ALPP: variants seen among roughly 807,000 people sequenced by gnomAD.
The protein encoded by ALPP is alkaline phosphatase, placental, also known as alkaline phosphatase, placental type.
Under a neutral mutation model 50.7 loss-of-function variants are expected in ALPP, and 39 were observed. The ratio of observed to expected loss-of-function variants is 0.77; its 90% confidence interval spans 0.60 to 1.00. The LOEUF is 1.00. Among genes scored for constraint, ALPP ranks in the 50% least tolerant of loss-of-function variants. The pLI is 0.00. For synonymous variants in ALPP, 226 were observed against 320.3 expected, an observed-to-expected ratio of 0.71 and a Z score of 3.14; for missense variants, 550 against 746.8, an observed-to-expected ratio of 0.74 and a Z score of 3.07.
At position 232,380,438 on chromosome 2, in the gene ALPP, A is replaced by G; in HGVS notation, c.811A>G (p.Asn271Asp). 6.2e-7 allele frequency: 1 copy of G among 1,613,714 alleles called. No individual in the cohort carries two copies. Among genetic ancestry groups the G allele is most frequent in the Non-Finnish European group, 8.5e-7 (1 of 1,179,934 alleles). Reference sequence around the variant, plus strand: ...CCCACAGGGTGCCCGGTATGTGTGGAACCGCACTGAGCTCATGCAGGCTTC... The same window carrying G: ...CCCACAGGGTGCCCGGTATGTGTGGGACCGCACTGAGCTCATGCAGGCTTC... ...AKRQGARYVWNRTELMQASLD... is the reference protein window; with the variant it reads ...AKRQGARYVWDRTELMQASLD... The change falls in exon 7 of 11, where the codon AAC becomes GAC. Residue 271 changes from asparagine to aspartate, a missense_variant. Coordinates refer to ENST00000392027, the MANE Select transcript of ALPP (RefSeq NM_001632.5).
At chr2:232,379,724 A>G in intron 4 of ALPP, 37 bp downstream of exon 4, 1 of 1,614,054 alleles carries the variant, frequency 6.2e-7, no homozygotes, top group Non-Finnish European at 8.5e-7. Context: ...CGGCCAGGTC[A>G]CAGACGTTGG....
chr2:232,382,429 CAACT>C lies in ALPP; in HGVS notation c.*635_*638del, dbSNP rs937913633. On this transcript the variant is annotated 3_prime_UTR_variant, in exon 11 of 11. Transcript: ENST00000392027. The stretch of plus-strand genomic sequence containing the variant: ...ACCCCCACATGCCAATTTCAGCACC[CAACT>C]GAGATCCGAGGAGCTCCTGGGAAGC... The C allele has an allele frequency of 1.3e-5, 2 of 153,444 alleles. No homozygotes were observed. The highest frequency in any genetic ancestry group is 2.9e-5 in the Non-Finnish European group (2 of 69,062). 9.5% of individuals were successfully genotyped at this position (153,444 alleles called of 1,614,324 possible).
rs1438145009 is a variant in ALPP, at chr2:232,381,905, A to G, written c.*110A>G. The G allele has an allele frequency of 3.5e-5, 50 of 1,445,274 alleles. No individual in the cohort carries two copies. Among genetic ancestry groups the G allele is most frequent in the Admixed American group, 1.4e-4 (6 of 41,800 alleles). The allele number at this position is 1,445,274 out of a possible 1,614,324, so 89.5% of individuals were successfully genotyped here. A position where few individuals can be genotyped will look rare whatever the true frequency, so the allele number is the denominator to read the frequency against. ...GAGTCGTCATCCCCGGAGTCCCTAT[A>G]CAGAGGTCCTGCCATGGAACCTTCC... On this transcript the variant is annotated 3_prime_UTR_variant, in exon 11 of 11. Coordinates refer to ENST00000392027, the MANE Select transcript of ALPP (RefSeq NM_001632.5).
At chr2:232,379,119 C>T (rs1696653530) in intron 2 of ALPP, 32 bp downstream of exon 2, 4 of 1,614,002 alleles carry the variant, frequency 2.5e-6, no homozygotes, top group Non-Finnish European at 3.4e-6. Context: ...GCCCTGCAGC[C>T]CTCACAGCCC....
intron 5 of ALPP, 80 bp from the exon 6 acceptor site, chr2:232,380,106 G>C (rs1696678246): frequency 6.2e-7 from 1 of 1,605,356 alleles, no homozygotes; most frequent in African/African-American, 1.3e-5. Context: ...CTTGGGGAGG[G>C]GAGTCAGGGG....
chr2:232,379,902 T>C lies in ALPP; in HGVS notation c.623T>C (p.Ile208Thr), dbSNP rs375542442. ...ASARQEGCQD[I>T]ATQLISNMDI... is the part of the protein sequence containing the mutation. The stretch of plus-strand genomic sequence containing the variant: ...GCCCGCCAGGAGGGGTGCCAGGACA[T>C]CGCTACGCAGCTCATCTCCAACATG... Residue 208 changes from isoleucine to threonine, a missense_variant, in exon 5 of 11, where the codon ATC (isoleucine) becomes ACC (threonine). By Grantham distance (89) the Ile-to-Thr change is moderately conservative. This residue lies in a region of ALPP where 376 missense variants were observed against 388.5 expected (regional missense o/e 0.97). Transcript: ENST00000392027. The C allele has an allele frequency of 1.3e-4, 216 of 1,612,384 alleles. No individual in the cohort carries two copies. Among genetic ancestry groups the C allele is most frequent in the Non-Finnish European group, 1.7e-4 (204 of 1,179,486 alleles).
chr2:232,381,855 T>A lies in ALPP; in HGVS notation c.*60T>A, dbSNP rs1696723982. ...CGGAGTTCTCCTGCTCCCCACCTCC[T>A]GTCGTCCTGCCTGGCCTCCAGCCCG... On this transcript the variant is annotated 3_prime_UTR_variant, in exon 11 of 11. Coordinates refer to ENST00000392027, the MANE Select transcript of ALPP (RefSeq NM_001632.5). 9.3e-6 allele frequency: 14 copies of A among 1,506,904 alleles called. No individual in the cohort carries two copies. The highest frequency in any genetic ancestry group is 1.1e-5 in the Non-Finnish European group (13 of 1,133,552). The allele number at this position is 1,506,904 out of a possible 1,614,324, so 93.3% of individuals were successfully genotyped here. A position where few individuals can be genotyped will look rare whatever the true frequency, so the allele number is the denominator to read the frequency against.
In ALPP at chr2:232,382,098, G is replaced by C. The variant is rs1173587394; in HGVS notation, c.*303G>C. 1.5e-5 allele frequency: 8 copies of C among 523,474 alleles called. No homozygotes were observed. The highest frequency in any genetic ancestry group is 1.4e-4 in the African/African-American group (7 of 51,342). The allele number at this position is 523,474 out of a possible 1,614,324, so 32.4% of individuals were successfully genotyped here. On this transcript the variant is annotated 3_prime_UTR_variant, in exon 11 of 11. Transcript: ENST00000392027. ...CCAGCCACCACCTACAGCCCAGTGGGTACCAGGCAGGCTCCCTTCCTGGGG... is the reference window on the plus strand; with the variant it reads ...CCAGCCACCACCTACAGCCCAGTGGCTACCAGGCAGGCTCCCTTCCTGGGG...
At position 232,379,608 on chromosome 2, in the gene ALPP, T is replaced by C. The variant is rs1233790708; in HGVS notation, c.405T>C (p.Ser135=). 1 of 1,613,896 alleles carries C rather than the reference T, an allele frequency of 6.2e-7. No individual in the cohort carries two copies. Among genetic ancestry groups the C allele is most frequent in the East Asian group, 2.2e-5 (1 of 44,864 alleles). Reference sequence around the variant, plus strand: ...GCAACTTCCAGACCATTGGCTTGAGTGCAGCCGCCCGCTTTAACCAGTGCA... The same window carrying C: ...GCAACTTCCAGACCATTGGCTTGAGCGCAGCCGCCCGCTTTAACCAGTGCA... ...VKGNFQTIGL[S]AAARFNQCNT... is the part of the protein sequence containing the mutation. The change falls in exon 4 of 11, where the codon AGT becomes AGC. Residue 135 remains serine (S), a synonymous_variant. Coordinates refer to ENST00000392027, the MANE Select transcript of ALPP (RefSeq NM_001632.5).
At position 232,379,011 on chromosome 2, in the gene ALPP, C is replaced by T. The variant is rs144266383; in HGVS notation, c.117C>T (p.Ala39=). ...CGGACTTCTGGAACCGCGAGGCAGC[C>T]GAGGCCCTGGGTGCCGCCAAGAAGC... ...ENPDFWNREA[A]EALGAAKKLQ... Residue 39 remains alanine (A), a synonymous_variant, in exon 2 of 11, where the codon GCC becomes GCT. Transcript: ENST00000392027. 2.9e-5 allele frequency: 47 copies of T among 1,614,000 alleles called. No homozygotes were observed. The highest frequency in any genetic ancestry group is 1.9e-4 in the African/African-American group (14 of 74,900).
At chr2:232,379,399 A>T in intron 3 of ALPP, 84 bp downstream of exon 3, 1 of 1,589,724 alleles carries the variant, frequency 6.3e-7, no homozygotes, top group Non-Finnish European at 8.6e-7. Flanking sequence ...GGGACCCTAA[A>T]CAGCTGGGGC....
rs1156949335 is a variant in ALPP, at chr2:232,381,350, T to C, written c.1292T>C (p.Val431Ala). Residue 431 changes from valine to alanine, a missense_variant, in exon 10 of 11, where the codon GTT becomes GCT. Transcript: ENST00000392027. ...CTCAAGGACGGCGCCCGGCCGGATG[T>C]TACCGAGAGCGAGAGCGGTGAGTGC... ...YVLKDGARPD[V>A]TESESGSPEY... The C allele has an allele frequency of 5.0e-6, 8 of 1,614,042 alleles. No individual in the cohort carries two copies. In the Admixed American group the frequency reaches 1.2e-4, roughly 24 times the overall value.
chr2:232,379,736 C>T, intron 4 of ALPP, 28 bp from the exon 5 acceptor site: 1 of 1,614,020 alleles, frequency 6.2e-7, no homozygotes, highest in Non-Finnish European at 8.5e-7. Flanking sequence ...AGACGTTGGT[C>T]ACATATACTG....
chr2:232,381,190 G>C, intron 9 of ALPP, 61 bp from the exon 10 acceptor site: 1 of 1,608,602 alleles, frequency 6.2e-7, no homozygotes, highest in Non-Finnish European at 8.5e-7. Flanking sequence ...GCGGTGCCTA[G>C]CACGTGGGAG....
In ALPP at chr2:232,379,086, T is replaced by A. The variant is rs1130338; in HGVS notation, c.192T>A (p.Asp64Glu). Residue 64 changes from aspartate (D) to glutamate (E), a missense_variant and splice_region_variant, in exon 2 of 11, where the codon GAT becomes GAA. By Grantham distance (45) the Asp-to-Glu change is conservative (BLOSUM62 2). This residue lies in a region of ALPP where 376 missense variants were observed against 388.5 expected (regional missense o/e 0.97). Transcript: ENST00000392027. ...AGAACCTCATCATCTTCCTGGGCGA[T>A]GGTGAGTGAGCCAGGCCTTCCAGCC... ...AAKNLIIFLGDGMGVSTVTAA... is the reference protein window; with the variant it reads ...AAKNLIIFLGEGMGVSTVTAA... 1 of 1,595,330 alleles carries A rather than the reference T, an allele frequency of 6.3e-7. No homozygotes were observed. Among genetic ancestry groups the A allele is most frequent in the Non-Finnish European group, 8.6e-7 (1 of 1,163,902 alleles).
At position 232,382,266 on chromosome 2, in the gene ALPP, T is replaced by TGGGGATCACCAG. The variant is rs777790500; in HGVS notation, c.*478_*489dup. 5.8e-5 allele frequency: 11 copies of TGGGGATCACCAG among 190,204 alleles called. No individual in the cohort carries two copies. The highest frequency in any genetic ancestry group is 9.6e-5 in the Non-Finnish European group (9 of 93,710). The allele number at this position is 190,204 out of a possible 1,614,324, so 11.8% of individuals were successfully genotyped here. A position where few individuals can be genotyped will look rare whatever the true frequency, so the allele number is the denominator to read the frequency against. ...CTGCTGGCCAAGGAGGCTCCTGGGG[T>TGGGGATCACCAG]GGGGATCACCAGGGGGATTTTGACA... is the stretch of plus-strand genomic sequence containing the variant. On this transcript the variant is annotated 3_prime_UTR_variant, in exon 11 of 11. Coordinates refer to ENST00000392027, the MANE Select transcript of ALPP (RefSeq NM_001632.5).
chr2:232,382,362 G>T lies in ALPP; in HGVS notation c.*567G>T. On this transcript the variant is annotated 3_prime_UTR_variant, in exon 11 of 11. Transcript: ENST00000392027. ...CCCCCCAGGGGGCCCTCTGCCTCAT[G>T]GCAAAGGCTTGCCCCAAATCTCAAC... 6.4e-6 allele frequency: 1 copy of T among 155,872 alleles called. No individual in the cohort carries two copies. 9.7% of individuals were successfully genotyped at this position (155,872 alleles called of 1,614,324 possible).
At position 232,378,755 on chromosome 2, in the gene ALPP, T is replaced by A. The variant is rs1398467431; in HGVS notation, c.-48T>A. On this transcript the variant is annotated 5_prime_UTR_variant, in exon 1 of 11. Transcript: ENST00000392027. Reference sequence around the variant, plus strand: ...GGGCAGCCTGGAGTGCAGCTCATACTCCATGCCCAGAATTCCTGCCTCGCC... The same window carrying A: ...GGGCAGCCTGGAGTGCAGCTCATACACCATGCCCAGAATTCCTGCCTCGCC... The A allele has an allele frequency of 6.2e-7, 1 of 1,601,878 alleles. No individual in the cohort carries two copies. Among genetic ancestry groups the A allele is most frequent in the Non-Finnish European group, 8.5e-7 (1 of 1,173,542 alleles).
At chr2:232,379,392 A>G in intron 3 of ALPP, 77 bp downstream of exon 3, 2 of 1,591,456 alleles carry the variant, frequency 1.3e-6, no homozygotes, top group East Asian at 2.3e-5. Context: ...GGAGGGAGGG[A>G]CCCTAAACAG....
Sources: gnomAD v4.1 joint callset for allele counts on GRCh38, gnomAD v4.1.1 for gene constraint, gnomAD v4.1.1 regional missense constraint, MANE v1.5 for transcripts, NCBI Gene and HGNC (gene_info 2026-07-23, HGNC 2026-07-21) for gene names.